The following CNTLN variants were observed in gnomAD, a reference collection of about 807,000 sequenced individuals.
The protein encoded by CNTLN is centlein, centrosomal protein.
In CNTLN, 212 loss-of-function variants were observed where a neutral mutation model predicts 180.0. That is an observed-to-expected ratio of 1.18 (90% CI 1.05 to 1.32). The LOEUF (loss-of-function observed/expected upper bound fraction) is 1.32. CNTLN is among the 40% of genes most tolerant of loss of function. The probability of loss-of-function intolerance (pLI) is 0.00; values close to 1 mark genes in which losing one functional copy is unlikely to be tolerated. For synonymous variants in CNTLN, 722 were observed against 563.1 expected, an observed-to-expected ratio of 1.28 and a Z score of -3.99; for missense variants, 2,095 against 1,610.9, an observed-to-expected ratio of 1.30 and a Z score of -5.14.
chr9:17,390,485 C>G (rs1826031496), intron 14 of CNTLN, among the ~76,000 whole-genome samples: 5 of 152,000 alleles, frequency 3.3e-5, no homozygotes, highest in Admixed American at 3.3e-4. Context: ...TTCAACTAAT[C>G]TGCCTGTCTC....
chr9:17,187,615 A>C (rs1217812154), intron 2 of CNTLN, among the ~76,000 whole-genome samples: 1 of 151,954 alleles, frequency 6.6e-6, no homozygotes, highest in Non-Finnish European at 1.5e-5. Context: ...GTGTGCTAAT[A>C]TGACTAGCAT....
intron 7 of CNTLN, among the ~76,000 whole-genome samples, 173 bp from the exon 8 acceptor site, chr9:17,308,880 ATAAAT>A (rs901270496): frequency 1.5e-4 from 9 of 59,444 alleles, no homozygotes; most frequent in African/African-American, 4.4e-4. Flanking sequence ...ATATTATTAT[ATAAAT>A]TAGTTATTTT....
At position 17,502,554 on chromosome 9, in the gene CNTLN, C is replaced by T. The variant is rs1442824227; in HGVS notation, c.4123C>T (p.Pro1375Ser). ...YIQKLLEGQL[P>S]FASYLLEAVL... ...CTTTTTTGTGTTTCTTTTACAGCTT[C>T]CTTTTGCCTCATATTTACTAGAAGC... Residue 1375 changes from proline (P) to serine (S), a missense_variant, in exon 26 of 26, where the codon CCT (proline) becomes TCT (serine). By Grantham distance (74) the Pro-to-Ser change is moderately conservative. Transcript: ENST00000380647. 7.4e-7 allele frequency: 1 copy of T among 1,353,214 alleles called. No homozygotes were observed. The highest frequency in any genetic ancestry group is 2.4e-5 in the East Asian group (1 of 40,872). The allele number at this position is 1,353,214 out of a possible 1,614,324, so 83.8% of individuals were successfully genotyped here.
At chr9:17,486,811 G>T (rs951858761) in intron 24 of CNTLN, among the ~76,000 whole-genome samples, 178 bp from the exon 25 acceptor site, 1 of 151,886 alleles carries the variant, frequency 6.6e-6, no homozygotes, top group Non-Finnish European at 1.5e-5. Context: ...TCCGTAGTAC[G>T]TATCGATAAA....
At chr9:17,150,162 C>T (rs555074976) in intron 2 of CNTLN, among the ~76,000 whole-genome samples, 2 of 152,218 alleles carry the variant, frequency 1.3e-5, no homozygotes, top group South Asian at 2.1e-4. Flanking sequence ...TAATTAGATC[C>T]CATTTGTCTC....
At chr9:17,285,658 C>T (rs1828938089) in intron 6 of CNTLN, among the ~76,000 whole-genome samples, 1 of 102,718 alleles carries the variant, frequency 9.7e-6, no homozygotes, top group Admixed American at 1.0e-4. Flanking sequence ...ACATCCTCTC[C>T]AGCACCTGTT....
intron 8 of CNTLN, among the ~76,000 whole-genome samples, chr9:17,323,657 GTTGGTTT>G (rs1820071116): frequency 1.3e-5 from 2 of 152,118 alleles, no homozygotes; most frequent in Non-Finnish European, 2.9e-5. Context: ...GCCTAACTCA[GTTGGTTT>G]TCAACTGCTG....
At chr9:17,334,426 C>A (rs202216591) in intron 10 of CNTLN, among the ~76,000 whole-genome samples, 1 of 32,392 alleles carries the variant, frequency 3.1e-5, no homozygotes, top group African/African-American at 7.0e-5. Context: ...AGAATACACA[C>A]ACACACACAC....
the CNTLN span, among the ~76,000 whole-genome samples, chr9:17,520,525 T>C: frequency 2.0e-5 from 3 of 152,182 alleles, no homozygotes; most frequent in Non-Finnish European, 4.4e-5. Flanking sequence ...AACCCTGAAT[T>C]GTATGGGAAG....
chr9:17,198,534 A>ATTT (rs71304884), intron 2 of CNTLN, among the ~76,000 whole-genome samples: 42 of 98,066 alleles, frequency 4.3e-4, no homozygotes, highest in African/African-American at 1.5e-3. Context: ...TACTTTCTTG[A>ATTT]TTTTTTTTTT....
chr9:17,174,608 A>G (rs900517555), intron 2 of CNTLN, among the ~76,000 whole-genome samples: 6 of 151,830 alleles, frequency 4.0e-5, no homozygotes, highest in African/African-American at 1.5e-4. Flanking sequence ...AGACAGGAGA[A>G]TTGCTTCAAC....
At chr9:17,323,106 C>T (rs989458583) in intron 8 of CNTLN, among the ~76,000 whole-genome samples, 10 of 152,042 alleles carry the variant, frequency 6.6e-5, no homozygotes, top group African/African-American at 2.2e-4. Flanking sequence ...TATGCTTTAA[C>T]TGTTCTGGTC....
At chr9:17,524,409 C>A in the CNTLN span, among the ~76,000 whole-genome samples, 2 of 152,266 alleles carry the variant, frequency 1.3e-5, no homozygotes, top group Non-Finnish European at 2.9e-5. Flanking sequence ...TCCTCTTAGC[C>A]TTTTTGTTGT....
rs144024916 is a variant in CNTLN at position 17,140,984 on chromosome 9, A to C, written c.361-2304A>C. ...ATACATTTGAGTATGTAAAATTAAT[A>C]ACTTGCTTTTTCAAAAAAATCATCA... is the stretch of plus-strand genomic sequence containing the variant. On this transcript the variant is annotated intron_variant, in intron 1 of 25. Coordinates refer to ENST00000380647, the MANE Select transcript of CNTLN (RefSeq NM_017738.4). Among the ~76,000 whole-genome samples the C allele has an allele frequency of 5.1e-3, 771 of 152,300 alleles. 5 individuals carry two copies. Among genetic ancestry groups the C allele is most frequent in the African/African-American group, 0.018 (742 of 41,548 alleles).
the CNTLN span, among the ~76,000 whole-genome samples, chr9:17,522,947 C>G: frequency 6.6e-6 from 1 of 151,732 alleles, no homozygotes; most frequent in Non-Finnish European, 1.5e-5. Context: ...GAGTCACTGT[C>G]TTCTCATTTG....
intron 23 of CNTLN, among the ~76,000 whole-genome samples, chr9:17,467,505 CA>C (rs1489045553): frequency 6.6e-6 from 1 of 151,574 alleles, no homozygotes; most frequent in Non-Finnish European, 1.5e-5. Flanking sequence ...CTTTGGAAAT[CA>C]TAGATACCTT....
At chr9:17,305,175 C>T (rs1435471303) in intron 7 of CNTLN, among the ~76,000 whole-genome samples, 1 of 152,050 alleles carries the variant, frequency 6.6e-6, no homozygotes. Flanking sequence ...AACTTGCTTT[C>T]TGTCCCCTGG....
At chr9:17,145,849 C>T (rs920481224) in intron 2 of CNTLN, among the ~76,000 whole-genome samples, 7 of 151,982 alleles carry the variant, frequency 4.6e-5, no homozygotes, top group Admixed American at 6.6e-5. Context: ...ACAGGTGGTA[C>T]GTTTTCTGAC....
chr9:17,156,521 C>G (rs1477147877), intron 2 of CNTLN, among the ~76,000 whole-genome samples: 1 of 151,810 alleles, frequency 6.6e-6, no homozygotes, highest in African/African-American at 2.4e-5. Context: ...TTTTTCCTTG[C>G]AATTTATTTT....
Sources: allele counts gnomAD v4.1 joint callset (sites outside exome capture counted in the v4.1 genomes callset), GRCh38; gene constraint gnomAD v4.1.1; transcripts MANE v1.5; gene names NCBI Gene and HGNC (gene_info 2026-07-23, HGNC 2026-07-21).